WDR35: variants seen among roughly 807,000 people sequenced by gnomAD.
WDR35 encodes WD repeat-containing protein 35.
In WDR35, 118 loss-of-function variants were observed where a neutral mutation model predicts 158.3. The ratio of observed to expected loss-of-function variants is 0.75; its 90% CI spans 0.64 to 0.87. WDR35 has a LOEUF of 0.87. Among genes scored for constraint, WDR35 ranks in the 40% least tolerant of loss-of-function variants. The pLI is 0.00. For missense variants in WDR35, 1,263 were observed against 1,405.8 expected (o/e 0.90, Z 1.62); for synonymous variants, 448 against 476.1 (o/e 0.94, Z 0.77).
chr2:19,989,848 T>A, intron 1 of WDR35, 144 bp downstream of exon 1: 2 of 1,377,134 alleles, frequency 1.5e-6, no homozygotes, highest in Non-Finnish European at 2.0e-6. Flanking sequence ...GGTCGGAGGC[T>A]GGACCCGGCG....
Position 19,915,452 on chromosome 2 carries a change from G to T in WDR35, c.3122-1175C>A, listed in dbSNP as rs539776038. Among the ~76,000 whole-genome samples, 11 of 148,570 alleles carry T rather than the reference G, an allele frequency of 7.4e-5. No individual in the cohort carries two copies. The South Asian group carries it at 2.4e-3, about 32-fold the overall frequency. ...TACCACTGACAAAAAAAAAAAAAAT[G>T]AGGCATATAGAGATCTTCACCTAGT... On this transcript the variant is annotated intron_variant, in intron 25 of 26. Coordinates refer to ENST00000281405, the MANE Select transcript of WDR35 (RefSeq NM_020779.4).
In WDR35 at chr2:19,984,206, T is replaced by C. The variant is rs183131302; in HGVS notation, c.143-1672A>G. 1.8e-4 allele frequency among the ~76,000 whole-genome samples: 27 copies of C among 152,270 alleles called. No individual in the cohort carries two copies. The East Asian group carries it at 5.2e-3, about 29-fold the overall frequency. ...TTAAGAACAGGCTTTGAAATTCAGC[T>C]TGATATATTGAACAAATATCATCCA... On this transcript the variant is annotated intron_variant, in intron 2 of 26. Coordinates refer to ENST00000281405, the MANE Select transcript of WDR35 (RefSeq NM_020779.4).
At chr2:19,989,923 G>T in intron 1 of WDR35, 69 bp downstream of exon 1, 1 of 1,603,750 alleles carries the variant, frequency 6.2e-7, no homozygotes, top group South Asian at 1.1e-5. Context: ...GGCTTCTCGG[G>T]AAGGCAGCGG....
In WDR35 at chr2:19,969,510, T is replaced by C. The variant is rs1321069945; in HGVS notation, c.978A>G (p.Ile326Met). ...LKIALAVDSF[I>M]YFANIRPNYK... ...AATTAGGTCGAATGTTTGCAAAATA[T>C]ATAAAGGAATCAACAGCTAGTGCAA... Residue 326 changes from isoleucine (I) to methionine (M), a missense_variant, in exon 9 of 27, where the codon ATA becomes ATG. By Grantham distance (10) the Ile-to-Met change is conservative. Coordinates refer to ENST00000281405, the MANE Select transcript of WDR35 (RefSeq NM_020779.4). 1.2e-6 allele frequency: 2 copies of C among 1,613,552 alleles called. No homozygotes were observed. The highest frequency in any genetic ancestry group is 1.1e-5 in the South Asian group (1 of 91,028).
chr2:19,989,467 A>T (rs1380612799), intron 1 of WDR35, among the ~76,000 whole-genome samples, 185 bp from the exon 2 acceptor site: 2 of 152,226 alleles, frequency 1.3e-5, no homozygotes, highest in Non-Finnish European at 2.9e-5. Flanking sequence ...CATTTGGGAA[A>T]GAGGGAAAGA....
At chr2:19,973,385 A>C (rs1672087726) in intron 8 of WDR35, among the ~76,000 whole-genome samples, 178 bp downstream of exon 8, 1 of 152,128 alleles carries the variant, frequency 6.6e-6, no homozygotes, top group Non-Finnish European at 1.5e-5. Context: ...TTATAATTAT[A>C]AAACTATAAG....
intron 25 of WDR35, among the ~76,000 whole-genome samples, chr2:19,926,914 C>A (rs1255738544): frequency 2.7e-5 from 4 of 150,508 alleles, no homozygotes; most frequent in Admixed American, 1.3e-4. Flanking sequence ...CCCCCCCCAC[C>A]CTGTTGCAGC....
chr2:19,982,644 C>T lies in WDR35; in HGVS notation c.143-110G>A. Reference sequence around the variant, plus strand: ...AGTATTAATCATTTTTCTAAGTATGCCCCATTCTGATATATTTTTCTCATG... The same window carrying T: ...AGTATTAATCATTTTTCTAAGTATGTCCCATTCTGATATATTTTTCTCATG... On this transcript the variant is annotated intron_variant, in intron 2 of 26. Transcript: ENST00000281405. The T allele has an allele frequency of 6.5e-6, 7 of 1,077,264 alleles. No individual in the cohort carries two copies. The South Asian group carries it at 8.7e-5, about 13-fold the overall frequency. 66.7% of individuals were successfully genotyped at this position (1,077,264 alleles called of 1,614,324 possible).
At chr2:19,937,174 G>A (rs1422832057) in intron 19 of WDR35, among the ~76,000 whole-genome samples, 1 of 152,146 alleles carries the variant, frequency 6.6e-6, no homozygotes, top group African/African-American at 2.4e-5. Context: ...CAGACTCTCC[G>A]CCTTGTGGTT....
chr2:19,937,729 C>A lies in WDR35; in HGVS notation c.2267+14G>T. The A allele has an allele frequency of 6.2e-7, 1 of 1,614,060 alleles. No individual in the cohort carries two copies. Among genetic ancestry groups the A allele is most frequent in the Non-Finnish European group, 8.5e-7 (1 of 1,179,966 alleles). ...GATAGAGTACTCAGGGATGCCTGCGCCTTCATAACTTACCTTCTGTCCATC... is the reference window on the plus strand; with the variant it reads ...GATAGAGTACTCAGGGATGCCTGCGACTTCATAACTTACCTTCTGTCCATC... On this transcript the variant is annotated intron_variant, in intron 19 of 26. Coordinates refer to ENST00000281405, the MANE Select transcript of WDR35 (RefSeq NM_020779.4).
chr2:19,948,438 G>A (rs1016777108), intron 13 of WDR35, among the ~76,000 whole-genome samples: 1 of 152,168 alleles, frequency 6.6e-6, no homozygotes. Flanking sequence ...TATTGAGGAA[G>A]ACAGTGAACT....
intron 9 of WDR35, among the ~76,000 whole-genome samples, chr2:19,967,445 C>T (rs1338691822): frequency 6.6e-6 from 1 of 152,124 alleles, no homozygotes; most frequent in East Asian, 1.9e-4. Context: ...TGGTCGTGTA[C>T]AACTACTTTA....
At chr2:19,982,644 C>G (rs1672421177) in intron 2 of WDR35, 110 bp from the exon 3 acceptor site, 1 of 1,077,266 alleles carries the variant, frequency 9.3e-7, no homozygotes, top group East Asian at 2.6e-5. Context: ...TCTAAGTATG[C>G]CCCATTCTGA....
rs1649548833 is a variant in WDR35, at chr2:19,910,575, T to C, written c.*2983A>G. ...CAACTTGGCATTACTCAACGGGAAGTCAGTACATGTTTTTTGCAAGGAGAA... is the reference window on the plus strand; with the variant it reads ...CAACTTGGCATTACTCAACGGGAAGCCAGTACATGTTTTTTGCAAGGAGAA... On this transcript the variant is annotated 3_prime_UTR_variant, in exon 27 of 27. Transcript: ENST00000281405. 1 of 152,184 alleles carries C rather than the reference T, an allele frequency of 6.6e-6. No individual in the cohort carries two copies. The highest frequency in any genetic ancestry group is 6.5e-5 in the Admixed American group (1 of 15,290). The allele number at this position is 152,184 out of a possible 1,614,324, so 9.4% of individuals were successfully genotyped here. A position where few individuals can be genotyped will look rare whatever the true frequency, so the allele number is the denominator to read the frequency against.
In WDR35 at chr2:19,945,675, G is replaced by A. The variant is rs575665928; in HGVS notation, c.1845+111C>T. On this transcript the variant is annotated intron_variant, in intron 16 of 26. Coordinates refer to ENST00000281405, the MANE Select transcript of WDR35 (RefSeq NM_020779.4). ...TTTATTTTCAGAAATTCATGCAGCC[G>A]TGTTGGCACTGCTATTCAACAAACT... 9.7e-4 allele frequency: 1,123 copies of A among 1,156,182 alleles called. 11 individuals carry two copies. The South Asian group carries it at 0.013, about 13-fold the overall frequency. The allele number at this position is 1,156,182 out of a possible 1,614,324, so 71.6% of individuals were successfully genotyped here. A position where few individuals can be genotyped will look rare whatever the true frequency, so the allele number is the denominator to read the frequency against.
intron 10 of WDR35, 53 bp from the exon 11 acceptor site, chr2:19,960,667 G>T (rs2103435969): frequency 7.6e-7 from 1 of 1,310,442 alleles, no homozygotes; most frequent in Non-Finnish European, 1.1e-6. Flanking sequence ...GAATAATAAA[G>T]GAAATATGCT....
intron 9 of WDR35, among the ~76,000 whole-genome samples, chr2:19,968,185 A>C (rs1671919370): frequency 6.6e-6 from 1 of 152,208 alleles, no homozygotes; most frequent in Non-Finnish European, 1.5e-5. Context: ...TTATCATGCC[A>C]TATCAGGGGG....
At chr2:19,936,984 A>G (rs1249703148) in intron 19 of WDR35, among the ~76,000 whole-genome samples, 2 of 152,240 alleles carry the variant, frequency 1.3e-5, no homozygotes, top group Non-Finnish European at 2.9e-5. Context: ...TTAAATAACA[A>G]TCATTTCTTT....
intron 2 of WDR35, among the ~76,000 whole-genome samples, chr2:19,984,039 AT>A: frequency 5.2e-4 from 1 of 1,938 alleles, no homozygotes; most frequent in African/African-American, 9.9e-4. Context: ...ATATATATAT[AT>A]ACATATATAC....
Sources: gnomAD v4.1 joint callset for allele counts (sites outside exome capture counted in the v4.1 genomes callset) on GRCh38, gnomAD v4.1.1 for gene constraint, MANE v1.5 for transcripts, NCBI Gene and HGNC (gene_info 2026-07-23, HGNC 2026-07-21) for gene names.